Variants in FBXW7 observed in about 807,000 individuals in gnomAD.
The protein encoded by FBXW7 is F-box and WD repeat domain containing 7, also known as F-box/WD repeat-containing protein 7.
FBXW7 carries 11 observed loss-of-function variants against 86.3 expected under a neutral mutation model. The observed-to-expected ratio is 0.13, with a 90% CI of 0.08 to 0.21. FBXW7 has a LOEUF of 0.21. FBXW7 is among the 10% of genes least tolerant of loss of function. The pLI, the probability that FBXW7 is intolerant of heterozygous loss-of-function variation, is 1.00. For missense variants in FBXW7, 488 were observed against 847.4 expected (o/e 0.58, Z 5.27); for synonymous variants, 313 against 297.9 (o/e 1.05, Z -0.52).
At chr4:152,507,820 G>C (rs934221698) in intron 2 of FBXW7, among the ~76,000 whole-genome samples, 2 of 152,046 alleles carry the variant, frequency 1.3e-5, no homozygotes, top group Non-Finnish European at 2.9e-5. Flanking sequence ...GGGAGACCAA[G>C]GTGGGAGGAC....
At position 152,324,404 on chromosome 4, in the gene FBXW7, A is replaced by G. The variant is rs1228718112; in HGVS notation, c.1645-10T>C. ...CATGGATACCATCAAACTACAAAAG[A>G]CACAGTTTATTAGAATAGAAGTATG... On this transcript the variant is annotated splice_polypyrimidine_tract_variant and intron_variant, in intron 12 of 13. Coordinates refer to ENST00000281708, the MANE Select transcript of FBXW7 (RefSeq NM_001349798.2). The G allele has an allele frequency of 6.4e-7, 1 of 1,566,454 alleles. No individual in the cohort carries two copies.
At chr4:152,400,786 G>A (rs989541162) in intron 4 of FBXW7, among the ~76,000 whole-genome samples, 18 of 152,304 alleles carry the variant, frequency 1.2e-4, no homozygotes, top group Middle Eastern at 3.4e-3. Context: ...ATAAGCCACA[G>A]ACTGGAAGAA....
chr4:152,490,907 A>C (rs1745785272), intron 2 of FBXW7, among the ~76,000 whole-genome samples: 1 of 152,168 alleles, frequency 6.6e-6, no homozygotes, highest in Non-Finnish European at 1.5e-5. Context: ...AAGCTCTTAA[A>C]GATCGCTGTC....
At chr4:152,348,009 T>C (rs938410089) in intron 5 of FBXW7, among the ~76,000 whole-genome samples, 1 of 152,118 alleles carries the variant, frequency 6.6e-6, no homozygotes, top group Non-Finnish European at 1.5e-5. Flanking sequence ...AACAAAATTA[T>C]ATTTGAAAAG....
chr4:152,388,689 G>T (rs1735752868), intron 4 of FBXW7, among the ~76,000 whole-genome samples: 1 of 152,140 alleles, frequency 6.6e-6, no homozygotes, highest in South Asian at 2.1e-4. Context: ...ACTATTTAAT[G>T]TCTTGCAGTA....
intron 2 of FBXW7, among the ~76,000 whole-genome samples, chr4:152,431,273 A>AT (rs1397242763): frequency 6.6e-6 from 1 of 152,202 alleles, no homozygotes; most frequent in African/African-American, 2.4e-5. Flanking sequence ...ACTGGCATTT[A>AT]TTTGCATTTC....
intron 2 of FBXW7, among the ~76,000 whole-genome samples, chr4:152,470,780 T>C (rs1239280965): frequency 3.3e-5 from 5 of 152,122 alleles, no homozygotes; most frequent in East Asian, 3.8e-4. Flanking sequence ...TGAAAAAGCA[T>C]ATACATACAT....
Position 152,411,915 on chromosome 4 carries a change from A to G in FBXW7, c.-69-43T>C. 2.1e-6 allele frequency: 3 copies of G among 1,418,070 alleles called. No homozygotes were observed. In the South Asian group the frequency reaches 4.7e-5, roughly 22 times the overall value. The allele number at this position is 1,418,070 out of a possible 1,614,324, so 87.8% of individuals were successfully genotyped here. On this transcript the variant is annotated intron_variant, in intron 3 of 13. Transcript: ENST00000281708. Reference sequence around the variant, plus strand: ...GTAAAAAACAAGATTTGTACAATCTATATTATGTTCTACTTTCATGTTATA... The same window carrying G: ...GTAAAAAACAAGATTTGTACAATCTGTATTATGTTCTACTTTCATGTTATA...
intron 11 of FBXW7, among the ~76,000 whole-genome samples, chr4:152,328,001 A>G (rs539870555): frequency 1.3e-5 from 2 of 152,138 alleles, no homozygotes; most frequent in South Asian, 4.1e-4. Context: ...AGCTGACAAC[A>G]CTAGCAAATG....
intron 2 of FBXW7, among the ~76,000 whole-genome samples, chr4:152,417,568 T>G (rs1271628142): frequency 6.6e-6 from 1 of 152,006 alleles, no homozygotes; most frequent in East Asian, 1.9e-4. Context: ...AAAGCTTGAC[T>G]CTAAGAAGCA....
At chr4:152,323,406 T>C in intron 13 of FBXW7, 1 of 509,272 alleles carries the variant, frequency 2.0e-6, no homozygotes, top group Non-Finnish European at 3.5e-6. Flanking sequence ...GACAAACATC[T>C]TATTTTCTGG....
chr4:152,381,309 C>T (rs1383304362), intron 4 of FBXW7, among the ~76,000 whole-genome samples: 2 of 152,018 alleles, frequency 1.3e-5, no homozygotes, highest in African/African-American at 4.8e-5. Context: ...AAGTACAATA[C>T]AATTATGTGT....
rs1750478966 is a variant in FBXW7 at position 152,535,657 on chromosome 4, C to T, written c.-743G>A. 1 of 396,482 alleles carries T rather than the reference C, an allele frequency of 2.5e-6. No individual in the cohort carries two copies. Among genetic ancestry groups the T allele is most frequent in the Non-Finnish European group, 4.5e-6 (1 of 224,586 alleles). The allele number at this position is 396,482 out of a possible 1,614,324, so 24.6% of individuals were successfully genotyped here. ...CCGGCTCCCGCATGTGTCGCTGCGG[C>T]TGGGACCCCCCTCCCTACACCTTGG... On this transcript the variant is annotated 5_prime_UTR_variant, in exon 1 of 14. Coordinates refer to ENST00000281708, the MANE Select transcript of FBXW7 (RefSeq NM_001349798.2).
Position 152,330,784 on chromosome 4 carries a change from C to T in FBXW7, c.1070G>A (p.Arg357Lys), listed in dbSNP as rs2126535034. The T allele has an allele frequency of 6.2e-7, 1 of 1,612,632 alleles. No individual in the cohort carries two copies. The highest frequency in any genetic ancestry group is 8.5e-7 in the Non-Finnish European group (1 of 1,178,944). The change falls in exon 9 of 14, where the codon AGA becomes AAA. Residue 357 changes from arginine (R) to lysine (K), a missense_variant. Physicochemically the swap from Arg to Lys is conservative, Grantham distance 26 (BLOSUM62 2). This residue lies in a region of FBXW7 where 57 missense variants were observed against 62.8 expected (regional missense o/e 0.91). Coordinates refer to ENST00000281708, the MANE Select transcript of FBXW7 (RefSeq NM_001349798.2). ...IHSPWKSAYI[R>K]QHRIDTNWRR... Reference sequence around the variant, plus strand: ...CCAGTTAGTATCAATTCTGTGCTGTCTGATGTATGCACTTTTCCATGGACT... The same window carrying T: ...CCAGTTAGTATCAATTCTGTGCTGTTTGATGTATGCACTTTTCCATGGACT...
At chr4:152,423,479 A>AT (rs1336816203) in intron 2 of FBXW7, among the ~76,000 whole-genome samples, 4 of 152,226 alleles carry the variant, frequency 2.6e-5, no homozygotes, top group African/African-American at 9.6e-5. Context: ...TTTGCCAAAC[A>AT]TGTCAAGAGT....
intron 2 of FBXW7, among the ~76,000 whole-genome samples, chr4:152,436,023 T>C (rs898468532): frequency 6.6e-6 from 1 of 152,208 alleles, no homozygotes; most frequent in Non-Finnish European, 1.5e-5. Flanking sequence ...CCCCCATCTT[T>C]GTCCCTCTCC....
intron 2 of FBXW7, among the ~76,000 whole-genome samples, chr4:152,518,995 G>C (rs1309233708): frequency 6.6e-6 from 1 of 151,992 alleles, no homozygotes; most frequent in East Asian, 1.9e-4. Flanking sequence ...AACAAAAATA[G>C]TTTAAGAAAT....
At chr4:152,493,112 T>C (rs967278813) in intron 2 of FBXW7, among the ~76,000 whole-genome samples, 2 of 151,594 alleles carry the variant, frequency 1.3e-5, no homozygotes, top group African/African-American at 2.4e-5. Context: ...TGAAGAGCAA[T>C]AGATCAGAGA....
intron 2 of FBXW7, among the ~76,000 whole-genome samples, chr4:152,498,935 GATAA>G (rs1467269269): frequency 6.6e-6 from 1 of 152,050 alleles, no homozygotes; most frequent in African/African-American, 2.4e-5. Context: ...ATATTTTGAC[GATAA>G]ATAAAATCTT....
Sources: gnomAD v4.1 joint callset for allele counts (sites outside exome capture counted in the v4.1 genomes callset) on GRCh38, gnomAD v4.1.1 for gene constraint, gnomAD v4.1.1 regional missense constraint, MANE v1.5 for transcripts, NCBI Gene and HGNC (gene_info 2026-07-23, HGNC 2026-07-21) for gene names.